The following FAR2 variants were observed in gnomAD, a reference collection of about 807,000 sequenced individuals.
FAR2 encodes fatty acyl-CoA reductase 2.
Under a neutral mutation model 56.0 loss-of-function variants are expected in FAR2, and 19 were observed. The ratio of observed to expected loss-of-function variants is 0.34; its 90% CI spans 0.24 to 0.50. The LOEUF (loss-of-function observed/expected upper bound fraction) is 0.50. Among genes scored for constraint, FAR2 ranks in the 20% least tolerant of loss-of-function variants. The pLI is 0.98. For missense variants in FAR2, 508 were observed against 642.2 expected (o/e 0.79, Z 2.26); for synonymous variants, 219 against 218.8 (o/e 1.00, Z -0.01).
intron 9 of FAR2, among the ~76,000 whole-genome samples, chr12:29,321,508 T>C (rs1259713635): frequency 6.6e-6 from 1 of 152,192 alleles, no homozygotes; most frequent in Non-Finnish European, 1.5e-5. Context: ...AGCTGAATAG[T>C]TGGCTCACTT....
chr12:29,202,967 TAG>T (rs1223449363), intron 1 of FAR2, among the ~76,000 whole-genome samples: 5 of 152,238 alleles, frequency 3.3e-5, no homozygotes, highest in Non-Finnish European at 7.3e-5. Flanking sequence ...AAATTCATTC[TAG>T]AAATATCTTC....
intron 1 of FAR2, among the ~76,000 whole-genome samples, chr12:29,239,537 A>AG (rs746007688): frequency 2.0e-5 from 3 of 151,826 alleles, no homozygotes; most frequent in Non-Finnish European, 4.4e-5. Context: ...CTTGGCTAAG[A>AG]GGGCAGAGCA....
chr12:29,325,405 A>T (rs1949628265), intron 10 of FAR2, among the ~76,000 whole-genome samples: 1 of 152,242 alleles, frequency 6.6e-6, no homozygotes, highest in South Asian at 2.1e-4. Context: ...CAGACCTAAT[A>T]GACATCTACA....
intron 10 of FAR2, among the ~76,000 whole-genome samples, chr12:29,324,492 C>T (rs147472529): frequency 2.6e-5 from 4 of 152,210 alleles, no homozygotes; most frequent in Non-Finnish European, 5.9e-5. Context: ...TTAAGAGCAG[C>T]CAGAGAGAAA....
At chr12:29,253,889 TTAATC>T (rs1461893085) in intron 1 of FAR2, among the ~76,000 whole-genome samples, 13 of 152,234 alleles carry the variant, frequency 8.5e-5, no homozygotes, top group African/African-American at 2.4e-4. Flanking sequence ...ATACATGTGT[TTAATC>T]TATTATATTG....
intron 4 of FAR2, 90 bp from the exon 5 acceptor site, chr12:29,307,568 G>T: frequency 7.7e-7 from 1 of 1,304,270 alleles, no homozygotes; most frequent in South Asian, 1.4e-5. Context: ...AGGCTAAAAG[G>T]TGGAAGTTTT....
intron 1 of FAR2, among the ~76,000 whole-genome samples, chr12:29,200,832 T>G (rs989487273): frequency 6.6e-6 from 1 of 152,248 alleles, no homozygotes; most frequent in African/African-American, 2.4e-5. Flanking sequence ...TGGTGTTGAC[T>G]CAAGCTTTTG....
chr12:29,255,926 G>A (rs911080847), intron 1 of FAR2, among the ~76,000 whole-genome samples: 3 of 151,864 alleles, frequency 2.0e-5, no homozygotes, highest in Admixed American at 6.6e-5. Flanking sequence ...CTTGAGTGCG[G>A]TGGCACAGTC....
intron 3 of FAR2, among the ~76,000 whole-genome samples, chr12:29,296,790 T>A (rs1591941598): frequency 6.6e-6 from 1 of 152,214 alleles, no homozygotes; most frequent in African/African-American, 2.4e-5. Flanking sequence ...CCTCTAGATA[T>A]ATGTACAGTG....
At chr12:29,205,008 C>T (rs1301159189) in intron 1 of FAR2, among the ~76,000 whole-genome samples, 1 of 152,202 alleles carries the variant, frequency 6.6e-6, no homozygotes, top group Non-Finnish European at 1.5e-5. Context: ...TATACCTGCT[C>T]AGCTGCCATG....
At chr12:29,203,961 C>T (rs1332921534) in intron 1 of FAR2, among the ~76,000 whole-genome samples, 4 of 137,528 alleles carry the variant, frequency 2.9e-5, no homozygotes, top group African/African-American at 1.1e-4. Context: ...GATTGCGCCA[C>T]CACACTCCAG....
At chr12:29,264,677 AGGAGAG>A (rs200105749) in intron 1 of FAR2, among the ~76,000 whole-genome samples, 20 of 66,858 alleles carry the variant, frequency 3.0e-4, no homozygotes, top group East Asian at 1.9e-3. Flanking sequence ...GAGAGAGAGG[AGGAGAG>A]GGAGAGGGAG....
chr12:29,174,268 T>C (rs1949914720), intron 1 of FAR2, among the ~76,000 whole-genome samples: 1 of 151,856 alleles, frequency 6.6e-6, no homozygotes, highest in South Asian at 2.1e-4. Context: ...AGTCTGCCCC[T>C]CCCCCACCAC....
At chr12:29,332,106 G>C (rs1436733168) in intron 10 of FAR2, among the ~76,000 whole-genome samples, 1 of 151,602 alleles carries the variant, frequency 6.6e-6, no homozygotes, top group Admixed American at 6.6e-5. Flanking sequence ...ATAAATTCTG[G>C]TAACTTATTC....
chr12:29,278,658 C>G (rs1565501854), intron 2 of FAR2, among the ~76,000 whole-genome samples: 1 of 152,114 alleles, frequency 6.6e-6, no homozygotes, highest in African/African-American at 2.4e-5. Context: ...AGAGAACAGA[C>G]TTTTAACAAC....
At chr12:29,296,095 C>A (rs1280016542) in intron 3 of FAR2, among the ~76,000 whole-genome samples, 3 of 152,214 alleles carry the variant, frequency 2.0e-5, no homozygotes, top group Admixed American at 1.3e-4. Context: ...TCAGTGGACA[C>A]CTTACTGAAT....
chr12:29,311,817 T>C (rs891353089), intron 7 of FAR2, 66 bp from the exon 8 acceptor site: 9 of 1,162,388 alleles, frequency 7.7e-6, no homozygotes, highest in Non-Finnish European at 8.8e-6. Flanking sequence ...ATATTATTTT[T>C]CCTTATTTTT....
At chr12:29,271,525 T>A (rs1197240007) in intron 2 of FAR2, among the ~76,000 whole-genome samples, 1 of 152,256 alleles carries the variant, frequency 6.6e-6, no homozygotes, top group Admixed American at 6.5e-5. Context: ...AGAGTTCCTT[T>A]TTTTACAATC....
At chr12:29,299,231 A>G (rs1433743315) in intron 4 of FAR2, among the ~76,000 whole-genome samples, 21 of 150,820 alleles carry the variant, frequency 1.4e-4, no homozygotes, top group Non-Finnish European at 2.8e-4. Context: ...AAAAAAAAAA[A>G]AAAAGAAAGA....
Sources: allele counts gnomAD v4.1 joint callset (sites outside exome capture counted in the v4.1 genomes callset), GRCh38; gene constraint gnomAD v4.1.1; transcripts MANE v1.5; gene names NCBI Gene and HGNC (gene_info 2026-07-23, HGNC 2026-07-21).